The following PPP2R5E variants were observed in gnomAD, a reference collection of about 807,000 sequenced individuals.
PPP2R5E encodes the protein serine/threonine-protein phosphatase 2A 56 kDa regulatory subunit epsilon isoform.
In PPP2R5E, 4 loss-of-function variants were observed where a neutral mutation model predicts 65.3. The observed-to-expected ratio is 0.06, with a 90% CI of 0.03 to 0.14. The LOEUF is 0.14. PPP2R5E is among the 10% of genes least tolerant of loss of function. The probability of loss-of-function intolerance (pLI) is 1.00; values close to 1 mark genes in which losing one functional copy is unlikely to be tolerated. For missense variants in PPP2R5E, 274 were observed against 556.1 expected (o/e 0.49, Z 5.10); for synonymous variants, 183 against 187.4 (o/e 0.98, Z 0.19).
chr14:63,525,167 C>T (rs1035682807), intron 2 of PPP2R5E, among the ~76,000 whole-genome samples: 2 of 152,214 alleles, frequency 1.3e-5, no homozygotes, highest in Non-Finnish European at 2.9e-5. Context: ...GAAAAACCAA[C>T]AGACATCTCT....
chr14:63,494,599 T>A (rs1178132907), intron 2 of PPP2R5E, among the ~76,000 whole-genome samples: 1 of 148,678 alleles, frequency 6.7e-6, no homozygotes, highest in East Asian at 2.0e-4. Flanking sequence ...CAGTAGGAAA[T>A]GAAACATTCA....
intron 13 of PPP2R5E, among the ~76,000 whole-genome samples, chr14:63,381,459 C>A (rs1314032441): frequency 6.6e-6 from 1 of 152,048 alleles, no homozygotes; most frequent in Non-Finnish European, 1.5e-5. Context: ...TTAAGTGAAC[C>A]TAAAATACCA....
chr14:63,435,186 A>G (rs2139412431), intron 3 of PPP2R5E, among the ~76,000 whole-genome samples: 1 of 152,298 alleles, frequency 6.6e-6, no homozygotes, highest in South Asian at 2.1e-4. Context: ...TGCTAAATTC[A>G]TTGAACGTTC....
intron 3 of PPP2R5E, among the ~76,000 whole-genome samples, chr14:63,447,765 A>T (rs1016224934): frequency 4.6e-5 from 7 of 152,062 alleles, no homozygotes; most frequent in African/African-American, 1.7e-4. Context: ...AATCACTTCT[A>T]GCTTTTGATT....
intron 2 of PPP2R5E, among the ~76,000 whole-genome samples, chr14:63,463,270 G>C (rs1440354757): frequency 1.3e-5 from 2 of 151,514 alleles, no homozygotes; most frequent in African/African-American, 4.8e-5. Context: ...CTCCCGAGTA[G>C]CTGGGATTAC....
chr14:63,474,487 C>A (rs897993331), intron 2 of PPP2R5E, among the ~76,000 whole-genome samples: 4 of 151,520 alleles, frequency 2.6e-5, no homozygotes, highest in African/African-American at 9.7e-5. Flanking sequence ...AGACCAAAGT[C>A]TGAAAAGAGT....
At chr14:63,400,984 A>C (rs1234958547) in intron 5 of PPP2R5E, among the ~76,000 whole-genome samples, 1 of 152,184 alleles carries the variant, frequency 6.6e-6, no homozygotes, top group Non-Finnish European at 1.5e-5. Flanking sequence ...GTTAATCTTG[A>C]GTTTAATGAA....
At chr14:63,497,604 C>T (rs753752999) in intron 2 of PPP2R5E, among the ~76,000 whole-genome samples, 2 of 151,886 alleles carry the variant, frequency 1.3e-5, no homozygotes, top group South Asian at 2.1e-4. Flanking sequence ...AAAAATTAGC[C>T]GGACATGGTG....
At chr14:63,501,180 A>T (rs1891859165) in intron 2 of PPP2R5E, among the ~76,000 whole-genome samples, 1 of 152,138 alleles carries the variant, frequency 6.6e-6, no homozygotes, top group Non-Finnish European at 1.5e-5. Context: ...CGGGCAGATC[A>T]CCAGGTCAGG....
intron 3 of PPP2R5E, among the ~76,000 whole-genome samples, chr14:63,423,834 AC>A (rs1379352099): frequency 1.3e-5 from 2 of 152,228 alleles, no homozygotes; most frequent in Non-Finnish European, 2.9e-5. Context: ...CCCTCATGGA[AC>A]TTACTATATT....
chr14:63,383,913 T>C (rs1163180296), intron 12 of PPP2R5E, among the ~76,000 whole-genome samples: 1 of 152,154 alleles, frequency 6.6e-6, no homozygotes, highest in Non-Finnish European at 1.5e-5. Flanking sequence ...CCTTCAGTAC[T>C]TCCTCATCAT....
intron 3 of PPP2R5E, among the ~76,000 whole-genome samples, chr14:63,430,421 G>GCATACATA (rs1173499980): frequency 6.9e-6 from 1 of 144,072 alleles, no homozygotes; most frequent in African/African-American, 2.6e-5. Flanking sequence ...ATACATACAT[G>GCATACATA]CATACATACA....
chr14:63,379,827 T>TCTCTCTC (rs1555354234), intron 13 of PPP2R5E, among the ~76,000 whole-genome samples: 3,122 of 80,310 alleles, frequency 0.039, 189 homozygotes, highest in East Asian at 0.16. Flanking sequence ...ATTCTCTCTC[T>TCTCTCTC]TTTTTTTTTT....
At chr14:63,388,013 G>T (rs550864035) in intron 11 of PPP2R5E, among the ~76,000 whole-genome samples, 1 of 152,062 alleles carries the variant, frequency 6.6e-6, no homozygotes, top group African/African-American at 2.4e-5. Flanking sequence ...AATAAATGTC[G>T]TTTAAGTCGC....
intron 2 of PPP2R5E, among the ~76,000 whole-genome samples, chr14:63,528,459 A>G (rs1471400594): frequency 6.6e-6 from 1 of 152,202 alleles, no homozygotes; most frequent in East Asian, 1.9e-4. Context: ...AAGTAAAAGG[A>G]ATCACTCTAA....
At chr14:63,443,133 G>A (rs951348839) in intron 3 of PPP2R5E, among the ~76,000 whole-genome samples, 1 of 152,028 alleles carries the variant, frequency 6.6e-6, no homozygotes, top group Non-Finnish European at 1.5e-5. Context: ...AAAGCACTTA[G>A]ATAACCAAGT....
At chr14:63,523,096 C>T (rs1348234516) in intron 2 of PPP2R5E, among the ~76,000 whole-genome samples, 5 of 145,992 alleles carry the variant, frequency 3.4e-5, no homozygotes, top group African/African-American at 1.4e-4. Context: ...GGGGGGTCAG[C>T]CCCCCGCCCG....
At chr14:63,428,993 A>T (rs1887484665) in intron 3 of PPP2R5E, among the ~76,000 whole-genome samples, 1 of 152,210 alleles carries the variant, frequency 6.6e-6, no homozygotes, top group South Asian at 2.1e-4. Flanking sequence ...ATCTGCCAAT[A>T]TTAACAAAAA....
intron 1 of PPP2R5E, among the ~76,000 whole-genome samples, chr14:63,542,564 G>A (rs191478332): frequency 5.3e-5 from 8 of 152,178 alleles, no homozygotes; most frequent in Non-Finnish European, 8.8e-5. Flanking sequence ...GGAGAAAAAG[G>A]GGGGAGGGGG....
Sources: gnomAD v4.1 joint callset for allele counts (sites outside exome capture counted in the v4.1 genomes callset) on GRCh38, gnomAD v4.1.1 for gene constraint, MANE v1.5 for transcripts, NCBI Gene and HGNC (gene_info 2026-07-23, HGNC 2026-07-21) for gene names.